RAB11FIP5: variants seen among roughly 807,000 people sequenced by gnomAD.
RAB11FIP5 encodes rab11 family-interacting protein 5.
In RAB11FIP5, 48 loss-of-function variants were observed where a neutral mutation model predicts 85.1. The ratio of observed to expected loss-of-function variants is 0.56; its 90% CI spans 0.45 to 0.72. The LOEUF (loss-of-function observed/expected upper bound fraction) is 0.72. Ranked by LOEUF, RAB11FIP5 falls within the 30% of genes least tolerant of loss-of-function variation. The pLI, the probability that RAB11FIP5 is intolerant of heterozygous loss-of-function variation, is 0.00. For missense variants in RAB11FIP5, 1,491 were observed against 1,687.0 expected (o/e 0.88, Z 2.04); for synonymous variants, 729 against 727.3 (o/e 1.00, Z -0.04).
Position 73,075,609 on chromosome 2 carries a change from T to C in RAB11FIP5, c.3887A>G (p.Glu1296Gly). Residue 1296 changes from glutamate (E) to glycine (G), a missense_variant, in exon 6 of 6, where the codon GAG becomes GGG. Glu to Gly is a moderately conservative substitution (Grantham distance 98). This residue lies in a region of RAB11FIP5 where 232 missense variants were observed against 259.1 expected (regional missense o/e 0.90). Transcript: ENST00000486777. The surrounding 1 kb of genome is among the most constrained non-coding windows in gnomAD (Gnocchi z 4.6). ...ELSQRDEHVQ[E>G]LESYIDRLLV... ...CAGCCGGTCGATGTAGCTCTCCAGC[T>C]CCTGCACATGCTCGTCCCGCTGGCT... 6.2e-7 allele frequency: 1 copy of C among 1,614,102 alleles called. No individual in the cohort carries two copies. Among genetic ancestry groups the C allele is most frequent in the Non-Finnish European group, 8.5e-7 (1 of 1,179,994 alleles).
chr2:73,112,817 A>G lies in RAB11FIP5; in HGVS notation c.-40T>C, dbSNP rs1306338727. Reference sequence around the variant, plus strand: ...GGGCGAGGTCTGGCCGAGCCGGTGCAGACCCCAGGACCTGGTGACAAACCC... The same window carrying G: ...GGGCGAGGTCTGGCCGAGCCGGTGCGGACCCCAGGACCTGGTGACAAACCC... On this transcript the variant is annotated 5_prime_UTR_variant, in exon 1 of 6. Coordinates refer to ENST00000486777, the MANE Select transcript of RAB11FIP5 (RefSeq NM_001371272.1). 1.0e-5 allele frequency: 14 copies of G among 1,395,716 alleles called. No individual in the cohort carries two copies. Among genetic ancestry groups the G allele is most frequent in the Non-Finnish European group, 1.3e-5 (14 of 1,084,902 alleles). 86.5% of individuals were successfully genotyped at this position (1,395,716 alleles called of 1,614,324 possible). A position where few individuals can be genotyped will look rare whatever the true frequency, so the allele number is the denominator to read the frequency against.
chr2:73,079,463 G>A (rs1365152884), intron 4 of RAB11FIP5, among the ~76,000 whole-genome samples, 188 bp downstream of exon 4: 3 of 152,172 alleles, frequency 2.0e-5, no homozygotes, highest in African/African-American at 7.2e-5. Context: ...CAAGACAGCA[G>A]CTTCAGAGGT....
At chr2:73,087,672 T>C (rs578199183) in intron 3 of RAB11FIP5, among the ~76,000 whole-genome samples, 3 of 152,184 alleles carry the variant, frequency 2.0e-5, no homozygotes, top group Non-Finnish European at 4.4e-5. Flanking sequence ...CTCATCTCTC[T>C]ACCAAGGCTT....
rs907917875 is a variant in RAB11FIP5 at position 73,080,108 on chromosome 2, C to G, written c.3124G>C (p.Gly1042Arg). ...GAGGTGGCTGACAAGGACCCAAGCC[C>G]CTCTCCTACTGGATCCTGGCCCTGG... The part of the protein sequence containing the change: ...EAQGQDPVGE[G>R]LGSLSATSQQ... Residue 1042 changes from glycine (G) to arginine (R), a missense_variant, in exon 4 of 6, where the codon GGG (glycine) becomes CGG (arginine). Around this residue, in one of 3 missense-constraint regions of RAB11FIP5, gnomAD observed 1,211 missense variants for 1,338.0 expected, o/e 0.91. Coordinates refer to ENST00000486777, the MANE Select transcript of RAB11FIP5 (RefSeq NM_001371272.1). 1 of 1,232,096 alleles carries G rather than the reference C, an allele frequency of 8.1e-7. No homozygotes were observed. Among genetic ancestry groups the G allele is most frequent in the Admixed American group, 4.2e-5 (1 of 23,706 alleles). 76.3% of individuals were successfully genotyped at this position (1,232,096 alleles called of 1,614,324 possible). A position where few individuals can be genotyped will look rare whatever the true frequency, so the allele number is the denominator to read the frequency against.
At chr2:73,099,876 C>T (rs1684395430) in intron 1 of RAB11FIP5, among the ~76,000 whole-genome samples, 1 of 152,182 alleles carries the variant, frequency 6.6e-6, no homozygotes, top group African/African-American at 2.4e-5. Flanking sequence ...CAAAGACAGG[C>T]CTTACCTCAG....
Position 73,112,782 on chromosome 2 carries a change from G to C in RAB11FIP5, c.-5C>G. 1 of 1,424,314 alleles carries C rather than the reference G, an allele frequency of 7.0e-7. No individual in the cohort carries two copies. The allele number at this position is 1,424,314 out of a possible 1,614,324, so 88.2% of individuals were successfully genotyped here. On this transcript the variant is annotated 5_prime_UTR_variant, in exon 1 of 6. Coordinates refer to ENST00000486777, the MANE Select transcript of RAB11FIP5 (RefSeq NM_001371272.1). ...CGCGCCCCGCACCAGGGCCATGGCG[G>C]AGAAGCGGGGGGCGAGGTCTGGCCG... is the stretch of plus-strand genomic sequence containing the variant.
rs568564516 is a variant in RAB11FIP5, at chr2:73,097,944, C to A, written c.432-8629G>T. 3.5e-4 allele frequency among the ~76,000 whole-genome samples: 50 copies of A among 144,750 alleles called. No individual in the cohort carries two copies. In the South Asian group the frequency reaches 0.01, roughly 30 times the overall value. 95.0% of individuals were successfully genotyped at this position (144,750 alleles called of 152,430 possible). On this transcript the variant is annotated intron_variant, in intron 1 of 5. Transcript: ENST00000486777. ...CTGATCTTATCCCCATTACCAACTA[C>A]AATCACTCAGTTAGCACCTACTGTG...
Position 73,092,054 on chromosome 2 carries a change from C to G in RAB11FIP5, c.432-2739G>C, listed in dbSNP as rs574105497. ...CAGGAGAGGAAGTTTGACAGAAAGA[C>G]CAGCCAGCAGCATCAACAGCCTCAC... On this transcript the variant is annotated intron_variant, in intron 1 of 5. Transcript: ENST00000486777. 9.8e-5 allele frequency among the ~76,000 whole-genome samples: 15 copies of G among 152,306 alleles called. No individual in the cohort carries two copies. In the South Asian group the frequency reaches 3.1e-3, roughly 32 times the overall value.
chr2:73,080,950 G>A lies in RAB11FIP5; in HGVS notation c.2282C>T (p.Ala761Val), dbSNP rs1683963928. 1 of 1,232,380 alleles carries A rather than the reference G, an allele frequency of 8.1e-7. No individual in the cohort carries two copies. The highest frequency in any genetic ancestry group is 4.2e-5 in the Admixed American group (1 of 23,726). The allele number at this position is 1,232,380 out of a possible 1,614,324, so 76.3% of individuals were successfully genotyped here. The change falls in exon 4 of 6, where the codon GCC becomes GTC. Residue 761 changes from alanine (A) to valine (V), a missense_variant. By Grantham distance (64) the Ala-to-Val change is moderately conservative (BLOSUM62 0). Coordinates refer to ENST00000486777, the MANE Select transcript of RAB11FIP5 (RefSeq NM_001371272.1). ...TTCCCTGTCTGGTTCTGAGCCTGAG[G>A]CTCTCAGCTGTAGCTGGGCTGACGA... ...PSSSAQLQLR[A>V]SGSEPDRELP... is the part of the protein sequence containing the mutation.
Position 73,086,650 on chromosome 2 carries a change from A to G in RAB11FIP5, c.1568+1400T>C, listed in dbSNP as rs116201059. Among the ~76,000 whole-genome samples the G allele has an allele frequency of 9.4e-3, 1,433 of 151,982 alleles. 15 individuals are homozygous for G. The highest frequency in any genetic ancestry group is 0.032 in the African/African-American group (1,341 of 41,446). Reference sequence around the variant, plus strand: ...ATCTCCTGCTACCTCCCTCTACCCTACCACCTCCAAATACCTCTGGCTGGC... The same window carrying G: ...ATCTCCTGCTACCTCCCTCTACCCTGCCACCTCCAAATACCTCTGGCTGGC... On this transcript the variant is annotated intron_variant, in intron 3 of 5. Transcript: ENST00000486777. The surrounding 1 kb of genome is among the most constrained non-coding windows in gnomAD (Gnocchi z 4.4).
In RAB11FIP5 at chr2:73,079,271, G is replaced by A. The variant is rs1028693584; in HGVS notation, c.3581+380C>T. 2.0e-5 allele frequency among the ~76,000 whole-genome samples: 3 copies of A among 151,766 alleles called. No individual in the cohort carries two copies. In the East Asian group the frequency reaches 5.8e-4, roughly 30 times the overall value. ...TACCCCCTGATTGACAAGTTCCACC[G>A]CCCCCCACCCACAGCTCCCCTGCGG... On this transcript the variant is annotated intron_variant, in intron 4 of 5. Transcript: ENST00000486777.
rs1559231197 is a variant in RAB11FIP5 at position 73,075,945 on chromosome 2, T to C, written c.3771+48A>G. 1 of 1,575,244 alleles carries C rather than the reference T, an allele frequency of 6.3e-7. No individual in the cohort carries two copies. The highest frequency in any genetic ancestry group is 1.3e-5 in the African/African-American group (1 of 74,430). Reference sequence around the variant, plus strand: ...CCTCACCAGGACCAAGCCCTGAGACTCCACCACACATTCTGTCAGATGGCC... The same window carrying C: ...CCTCACCAGGACCAAGCCCTGAGACCCCACCACACATTCTGTCAGATGGCC... On this transcript the variant is annotated intron_variant, in intron 5 of 5. Transcript: ENST00000486777. The surrounding 1 kb of genome is among the most constrained non-coding windows in gnomAD (Gnocchi z 4.6).
intron 1 of RAB11FIP5, among the ~76,000 whole-genome samples, chr2:73,093,647 G>C (rs993563580): frequency 1.3e-5 from 2 of 152,224 alleles, no homozygotes; most frequent in African/African-American, 4.8e-5. Context: ...TTGGCCCTCA[G>C]GTGGGGACAA....
At chr2:73,093,588 A>T (rs941435624) in intron 1 of RAB11FIP5, among the ~76,000 whole-genome samples, 2 of 152,300 alleles carry the variant, frequency 1.3e-5, no homozygotes, top group Non-Finnish European at 2.9e-5. Flanking sequence ...CATGGTGGTG[A>T]GTGCTGGGTC....
In RAB11FIP5 at chr2:73,112,670, C is replaced by A; in HGVS notation, c.108G>T (p.Ser36=). ...LRARGLRGKS[S]GAGSTSDAYT... ...ACGCGTCGCTGGTGCTGCCCGCTCC[C>A]GAGCTCTTGCCCCGCAGCCCGCGGG... The change falls in exon 1 of 6, where the codon TCG becomes TCT. Residue 36 remains serine (S), a synonymous_variant. Transcript: ENST00000486777. 6.3e-7 allele frequency: 1 copy of A among 1,593,266 alleles called. No homozygotes were observed. Among genetic ancestry groups the A allele is most frequent in the East Asian group, 2.3e-5 (1 of 43,276 alleles).
chr2:73,088,063 T>A lies in RAB11FIP5; in HGVS notation c.1555A>T (p.Thr519Ser). ...CCAACGACTTACCTGGGTTTCTGAG[T>A]CGGGTCCTTGGCTTCTCTCAAGCCA... ...WFGLREAKDP[T>S]QKPSLDVSPQ... Residue 519 changes from threonine to serine, a missense_variant, in exon 3 of 6, where the codon ACT (threonine) becomes TCT (serine). By Grantham distance (58) the Thr-to-Ser change is moderately conservative. This residue lies in a region of RAB11FIP5 where 1,211 missense variants were observed against 1,338.0 expected (regional missense o/e 0.91). Coordinates refer to ENST00000486777, the MANE Select transcript of RAB11FIP5 (RefSeq NM_001371272.1). The A allele has an allele frequency of 6.3e-7, 1 of 1,595,810 alleles. No homozygotes were observed. Among genetic ancestry groups the A allele is most frequent in the Non-Finnish European group, 8.5e-7 (1 of 1,169,624 alleles).
In RAB11FIP5 at chr2:73,101,094, G is replaced by A. The variant is rs966892618; in HGVS notation, c.431+11253C>T. The stretch of plus-strand genomic sequence containing the variant: ...TAACCACCCATCAGGGCTTCGCTGA[G>A]GGTGGACTGCAGGCAGGTGGGCCTC... On this transcript the variant is annotated intron_variant, in intron 1 of 5. Transcript: ENST00000486777. Among the ~76,000 whole-genome samples, 6 of 152,298 alleles carry A rather than the reference G, an allele frequency of 3.9e-5. No individual in the cohort carries two copies. In the East Asian group the frequency reaches 1.2e-3, roughly 29 times the overall value.
chr2:73,098,319 A>G (rs1684362911), intron 1 of RAB11FIP5, among the ~76,000 whole-genome samples: 1 of 152,250 alleles, frequency 6.6e-6, no homozygotes, highest in East Asian at 1.9e-4. Context: ...TTGGATTTTT[A>G]TATCAGGGAT....
intron 3 of RAB11FIP5, among the ~76,000 whole-genome samples, chr2:73,087,651 G>C (rs936384216): frequency 6.6e-6 from 1 of 152,254 alleles, no homozygotes; most frequent in Non-Finnish European, 1.5e-5. Flanking sequence ...CTGAGAGTGC[G>C]GTCTCCAGTC....
Sources: allele counts gnomAD v4.1 joint callset (sites outside exome capture counted in the v4.1 genomes callset), GRCh38; gene constraint gnomAD v4.1.1; regional missense constraint gnomAD v4.1.1; non-coding constraint Gnocchi (gnomAD v3.1); transcripts MANE v1.5; gene names NCBI Gene and HGNC (gene_info 2026-07-23, HGNC 2026-07-21).